Variants in MED14 observed in about 807,000 individuals in gnomAD.
MED14 encodes the protein mediator complex subunit 14.
Under a neutral mutation model 109.0 loss-of-function variants are expected in MED14, and 8 were observed. That is an observed-to-expected ratio of 0.07 (90% CI 0.04 to 0.13). MED14 has a LOEUF of 0.13. Ranked by LOEUF, MED14 falls within the 10% of genes least tolerant of loss-of-function variation. The pLI is 1.00. For synonymous variants in MED14, 399 were observed against 408.7 expected (o/e 0.98, Z 0.29); for missense variants, 711 against 1,142.4 (o/e 0.62, Z 5.44).
chrX:40,736,011 C>T (rs1226716746), upstream of MED14, among the ~76,000 whole-genome samples: 1 of 111,975 alleles, frequency 8.9e-6, no homozygotes, highest in African/African-American at 3.2e-5. Context: ...GTTGTAAAGG[C>T]GACAATTTGC....
intron 1 of MED14, among the ~76,000 whole-genome samples, chrX:40,733,070 T>C (rs1430539640): frequency 9.0e-6 from 1 of 110,820 alleles, no homozygotes; most frequent in Non-Finnish European, 1.9e-5. Flanking sequence ...CGGTTTGGAC[T>C]ATAAATTTTA....
intron 10 of MED14, among the ~76,000 whole-genome samples, 183 bp downstream of exon 10, chrX:40,709,165 G>T (rs1040750995): frequency 9.0e-6 from 1 of 111,559 alleles, no homozygotes; most frequent in Non-Finnish European, 1.9e-5. Flanking sequence ...ATAAGGCCAA[G>T]CTAAATAAGT....
At chrX:40,670,624 G>A (rs1269482379) in intron 23 of MED14, among the ~76,000 whole-genome samples, 2 of 110,550 alleles carry the variant, frequency 1.8e-5, no homozygotes, top group African/African-American at 3.3e-5. Flanking sequence ...AGCCGGGCGC[G>A]GTAGCGGGCG....
chrX:40,687,205 C>T (rs1331104507), intron 16 of MED14, among the ~76,000 whole-genome samples: 1 of 111,664 alleles, frequency 9.0e-6, no homozygotes, highest in East Asian at 2.8e-4. Flanking sequence ...CTGCCACCAT[C>T]CATCATTTGC....
intron 10 of MED14, among the ~76,000 whole-genome samples, chrX:40,707,537 T>C (rs1931196361): frequency 8.9e-6 from 1 of 112,012 alleles, no homozygotes; most frequent in Non-Finnish European, 1.9e-5. Context: ...AACCCCAATG[T>C]TCAACAATGA....
rs1399719200 is a variant in MED14 at position 40,692,230 on chromosome X, C to T, written c.1933G>A (p.Val645Ile). Reference protein sequence around the residue: ...CAFNKVLAHFVAMCDTNMPFV... With the variant: ...CAFNKVLAHFIAMCDTNMPFV... The stretch of plus-strand genomic sequence containing the variant: ...GGCATATTTGTATCACACATAGCGA[C>T]GAAGTGGGCTAAAACTTTATTGAAG... Residue 645 changes from valine to isoleucine, a missense_variant, in exon 15 of 31, where the codon GTC becomes ATC. By Grantham distance (29) the Val-to-Ile change is conservative. This residue lies in a region of MED14 where 388 missense variants were observed against 517.3 expected (regional missense o/e 0.75). Transcript: ENST00000324817. 6 of 1,209,114 alleles carry T rather than the reference C, an allele frequency of 5.0e-6. No individual in the cohort carries two copies. The highest frequency in any genetic ancestry group is 2.3e-4 in the Middle Eastern group (1 of 4,348).
intron 23 of MED14, among the ~76,000 whole-genome samples, chrX:40,667,106 C>A (rs923465995): frequency 2.7e-5 from 3 of 111,428 alleles, no homozygotes; most frequent in Admixed American, 1.9e-4. Flanking sequence ...CTCATTCATT[C>A]AACAAGAAGG....
chrX:40,716,643 C>G lies in MED14; in HGVS notation c.349-1933G>C, dbSNP rs1476773902. ...AAAATATAATTACCATATGATCCAG[C>G]AATTCCACTGCTGAGTATATATATA... On this transcript the variant is annotated intron_variant, in intron 3 of 30. Coordinates refer to ENST00000324817, the MANE Select transcript of MED14 (RefSeq NM_004229.4). 1.8e-4 allele frequency among the ~76,000 whole-genome samples: 20 copies of G among 108,993 alleles called. 1 individual carries two copies. The Admixed American group carries it at 2.0e-3, about 11-fold the overall frequency. 94.6% of individuals were successfully genotyped at this position (108,993 alleles called of 115,157 possible). A position where few individuals can be genotyped will look rare whatever the true frequency, so the allele number is the denominator to read the frequency against.
At chrX:40,731,159 G>A (rs969999028) in intron 1 of MED14, among the ~76,000 whole-genome samples, 1 of 107,326 alleles carries the variant, frequency 9.3e-6, no homozygotes, top group African/African-American at 3.4e-5. Context: ...AAAATAAAGA[G>A]TAGAACCTAG....
chrX:40,666,481 C>T (rs1214303717), intron 24 of MED14, among the ~76,000 whole-genome samples: 6 of 110,272 alleles, frequency 5.4e-5, no homozygotes, highest in Non-Finnish European at 1.1e-4. Flanking sequence ...GCATGTGTGA[C>T]AGGAAGGGCA....
chrX:40,712,078 G>A (rs1931357526), intron 7 of MED14, 108 bp downstream of exon 7: 5 of 509,720 alleles, frequency 9.8e-6, no homozygotes, highest in Non-Finnish European at 1.6e-5. Flanking sequence ...GGGGAGATGG[G>A]GGCAAGGAAT....
intron 21 of MED14, among the ~76,000 whole-genome samples, chrX:40,679,412 C>CAA (rs1158459481): frequency 3.6e-5 from 4 of 111,415 alleles, no homozygotes; most frequent in Admixed American, 2.9e-4. Flanking sequence ...GAGGCTGAGG[C>CAA]AGGAGAGGCA....
At chrX:40,691,894 G>T (rs1171264604) in intron 15 of MED14, among the ~76,000 whole-genome samples, 2 of 110,046 alleles carry the variant, frequency 1.8e-5, no homozygotes, top group Non-Finnish European at 3.8e-5. Flanking sequence ...TTACAGGTGT[G>T]AGCCACCGTG....
At position 40,659,482 on chromosome X, in the gene MED14, T is replaced by C. The variant is rs773379004; in HGVS notation, c.3810A>G (p.Ala1270=). 4.1e-6 allele frequency: 5 copies of C among 1,210,407 alleles called. No homozygotes were observed. Among genetic ancestry groups the C allele is most frequent in the Non-Finnish European group, 5.6e-6 (5 of 895,186 alleles). Residue 1270 remains alanine, a synonymous_variant, in exon 27 of 31, where the codon GCA becomes GCG. Coordinates refer to ENST00000324817, the MANE Select transcript of MED14 (RefSeq NM_004229.4). ...TLQLKVTPEN[A]GQWKPDELQV... ...GAAGTTCATCAGGTTTCCACTGTCC[T>C]GCATTTTCAGGTGTCACTTTTAGCT...
At position 40,650,618 on chromosome X, in the gene MED14, A is replaced by G; in HGVS notation, c.*1188T>C. On this transcript the variant is annotated 3_prime_UTR_variant, in exon 31 of 31. Transcript: ENST00000324817. Reference sequence around the variant, plus strand: ...CTAGGAAAGACAGCACAGTGCTCCAAAAAGAAACCCTGCAGAGATGTATTA... The same window carrying G: ...CTAGGAAAGACAGCACAGTGCTCCAGAAAGAAACCCTGCAGAGATGTATTA... 2.7e-6 allele frequency: 2 copies of G among 754,334 alleles called. No individual in the cohort carries two copies. The highest frequency in any genetic ancestry group is 3.1e-6 in the Non-Finnish European group (2 of 639,286). 62.2% of individuals were successfully genotyped at this position (754,334 alleles called of 1,213,427 possible). A position where few individuals can be genotyped will look rare whatever the true frequency, so the allele number is the denominator to read the frequency against.
intron 3 of MED14, among the ~76,000 whole-genome samples, chrX:40,716,704 T>A (rs779468274): frequency 9.0e-6 from 1 of 111,234 alleles, no homozygotes; most frequent in African/African-American, 3.3e-5. Context: ...CAAAAAGATA[T>A]CTGCACTCCC....
At chrX:40,672,688 T>C (rs768989501) in intron 22 of MED14, among the ~76,000 whole-genome samples, 6 of 111,845 alleles carry the variant, frequency 5.4e-5, no homozygotes, top group Non-Finnish European at 1.1e-4. Flanking sequence ...TCGGTGCTTA[T>C]TGGCCACTTG....
intron 19 of MED14, among the ~76,000 whole-genome samples, chrX:40,681,114 C>T (rs935188910): frequency 8.9e-6 from 1 of 112,346 alleles, no homozygotes; most frequent in Non-Finnish European, 1.9e-5. Context: ...TGTGTTAGTC[C>T]TCTTTTACTA....
At chrX:40,702,579 A>AT (rs1248826894) in intron 11 of MED14, among the ~76,000 whole-genome samples, 6 of 110,796 alleles carry the variant, frequency 5.4e-5, no homozygotes, top group Non-Finnish European at 9.5e-5. Context: ...ATCTCCTGAC[A>AT]TTGTGATTCG....
Sources: gnomAD v4.1 joint callset for allele counts (sites outside exome capture counted in the v4.1 genomes callset) on GRCh38, gnomAD v4.1.1 for gene constraint, gnomAD v4.1.1 regional missense constraint, MANE v1.5 for transcripts, NCBI Gene and HGNC (gene_info 2026-07-23, HGNC 2026-07-21) for gene names.